The following ATRN variants were observed in gnomAD, a reference collection of about 807,000 sequenced individuals.
ATRN encodes the protein attractin-2.
ATRN carries 54 observed loss-of-function variants against 178.7 expected under a neutral mutation model. The observed-to-expected ratio is 0.30, with a 90% confidence interval of 0.24 to 0.38. The LOEUF (loss-of-function observed/expected upper bound fraction) is 0.38. ATRN is among the 10% of genes least tolerant of loss of function. ATRN has a pLI of 1.00. For missense variants in ATRN, 1,443 were observed against 1,815.1 expected, an observed-to-expected ratio of 0.79 and a Z score of 3.73; for synonymous variants, 636 against 663.0, an observed-to-expected ratio of 0.96 and a Z score of 0.63.
intron 3 of ATRN, among the ~76,000 whole-genome samples, chr20:3,541,969 G>A (rs1216481538): frequency 1.2e-4 from 19 of 152,216 alleles, no homozygotes; most frequent in East Asian, 1.9e-4. Context: ...GAGATCAGGC[G>A]ACTGTTGTGC....
chr20:3,483,176 G>A (rs990636529), intron 1 of ATRN, among the ~76,000 whole-genome samples: 2 of 152,142 alleles, frequency 1.3e-5, no homozygotes, highest in African/African-American at 4.8e-5. Context: ...AAAACATGTA[G>A]CATTTTTTAA....
At chr20:3,629,340 C>T in intron 25 of ATRN, 1 of 977,806 alleles carries the variant, frequency 1.0e-6, no homozygotes, top group Non-Finnish European at 1.2e-6. Flanking sequence ...CTCTTCTCTT[C>T]CACATTTCTG....
intron 11 of ATRN, among the ~76,000 whole-genome samples, chr20:3,569,700 G>A (rs375285720): frequency 1.3e-5 from 2 of 152,154 alleles, no homozygotes; most frequent in African/African-American, 4.8e-5. Flanking sequence ...CCACATACAT[G>A]ACTATAATGA....
chr20:3,521,278 C>G (rs2085292103), intron 1 of ATRN, among the ~76,000 whole-genome samples: 1 of 151,760 alleles, frequency 6.6e-6, no homozygotes, highest in Non-Finnish European at 1.5e-5. Context: ...ACCTCGGCAA[C>G]ACGCAATTTA....
intron 6 of ATRN, among the ~76,000 whole-genome samples, chr20:3,556,249 A>G (rs2085874880): frequency 1.3e-5 from 2 of 152,240 alleles, no homozygotes; most frequent in East Asian, 1.9e-4. Flanking sequence ...TTGAAACAGC[A>G]CAAGGTGTTT....
intron 6 of ATRN, among the ~76,000 whole-genome samples, chr20:3,553,563 T>G (rs2085819028): frequency 6.6e-6 from 1 of 152,186 alleles, no homozygotes; most frequent in South Asian, 2.1e-4. Context: ...CCCATCAGTG[T>G]CTTGCCTTTG....
chr20:3,624,479 G>C (rs376547751), intron 24 of ATRN, 32 bp from the exon 25 acceptor site: 114 of 1,573,300 alleles, frequency 7.2e-5, no homozygotes, highest in Non-Finnish European at 9.4e-5. Flanking sequence ...TTCATGACCT[G>C]CATAATCACA....
intron 23 of ATRN, among the ~76,000 whole-genome samples, chr20:3,601,841 G>A (rs968160793): frequency 6.8e-6 from 1 of 147,542 alleles, no homozygotes; most frequent in Admixed American, 6.8e-5. Flanking sequence ...TCCAGTGTGG[G>A]CAAACAGAGC....
intron 1 of ATRN, among the ~76,000 whole-genome samples, chr20:3,477,043 A>G (rs2084541765): frequency 6.7e-6 from 1 of 149,840 alleles, no homozygotes; most frequent in African/African-American, 2.5e-5. Flanking sequence ...GGCCTGGAGC[A>G]TAGTTCACAA....
At chr20:3,519,743 GAAAA>G (rs1255344907) in intron 1 of ATRN, among the ~76,000 whole-genome samples, 1 of 149,236 alleles carries the variant, frequency 6.7e-6, no homozygotes, top group Non-Finnish European at 1.5e-5. Flanking sequence ...GAAATGAAAA[GAAAA>G]GAAAAGAAAA....
chr20:3,641,663 C>T (rs963524466), intron 27 of ATRN, among the ~76,000 whole-genome samples: 6 of 143,588 alleles, frequency 4.2e-5, no homozygotes, highest in African/African-American at 1.3e-4. Context: ...GCTAACTTCT[C>T]AGAAGTCAGA....
chr20:3,619,669 TG>T (rs1479217518), intron 24 of ATRN, among the ~76,000 whole-genome samples: 1 of 152,236 alleles, frequency 6.6e-6, no homozygotes, highest in Non-Finnish European at 1.5e-5. Context: ...ATGGTAATCT[TG>T]GACTCAGGTT....
intron 1 of ATRN, among the ~76,000 whole-genome samples, chr20:3,512,264 C>A (rs1392961370): frequency 2.9e-5 from 4 of 138,808 alleles, no homozygotes; most frequent in Non-Finnish European, 4.6e-5. Context: ...CCCCTCCCCC[C>A]ACGCCACAAC....
intron 11 of ATRN, among the ~76,000 whole-genome samples, chr20:3,567,069 C>T (rs2086047065): frequency 1.3e-5 from 2 of 152,130 alleles, no homozygotes; most frequent in African/African-American, 4.8e-5. Context: ...ACTATGAGAA[C>T]ATTTGACAGC....
intron 1 of ATRN, among the ~76,000 whole-genome samples, chr20:3,524,167 C>T (rs1479709066): frequency 1.3e-5 from 2 of 150,098 alleles, no homozygotes; most frequent in African/African-American, 4.9e-5. Context: ...AGACCCAACT[C>T]ATGTGCAAAG....
chr20:3,507,933 G>C (rs1473757609), intron 1 of ATRN, among the ~76,000 whole-genome samples: 1 of 152,002 alleles, frequency 6.6e-6, no homozygotes, highest in Non-Finnish European at 1.5e-5. Context: ...TCGATCTCTT[G>C]ACCTCGTGAT....
At chr20:3,607,956 G>T (rs929350712) in intron 24 of ATRN, among the ~76,000 whole-genome samples, 1 of 152,058 alleles carries the variant, frequency 6.6e-6, no homozygotes, top group African/African-American at 2.4e-5. Flanking sequence ...ATTTGCATTT[G>T]CCTGATGGTT....
At chr20:3,617,446 A>G (rs1960374154) in intron 24 of ATRN, among the ~76,000 whole-genome samples, 1 of 152,178 alleles carries the variant, frequency 6.6e-6, no homozygotes, top group African/African-American at 2.4e-5. Flanking sequence ...TGAGCTGATA[A>G]TTTACTAAAG....
chr20:3,619,740 C>G (rs1363207499), intron 24 of ATRN, among the ~76,000 whole-genome samples: 4 of 152,200 alleles, frequency 2.6e-5, no homozygotes, highest in Non-Finnish European at 5.9e-5. Flanking sequence ...GAGACCCATT[C>G]TCTTCCCTCA....
Sources: gnomAD v4.1 joint callset for allele counts (sites outside exome capture counted in the v4.1 genomes callset) on GRCh38, gnomAD v4.1.1 for gene constraint, MANE v1.5 for transcripts, NCBI Gene and HGNC (gene_info 2026-07-23, HGNC 2026-07-21) for gene names.